The following CTNND1 variants were observed in gnomAD, a reference collection of about 807,000 sequenced individuals.
CTNND1 encodes catenin delta-1.
Under a neutral mutation model 112.1 loss-of-function variants are expected in CTNND1, and 16 were observed. That is an observed-to-expected ratio of 0.14 (90% CI 0.10 to 0.22). The LOEUF (loss-of-function observed/expected upper bound fraction) is 0.22, where lower values mean the gene tolerates loss of function less well. CTNND1 is among the 10% of genes least tolerant of loss of function. The pLI is 1.00. For missense variants in CTNND1, 1,008 were observed against 1,257.0 expected, an observed-to-expected ratio of 0.80 and a Z score of 3.00; for synonymous variants, 420 against 446.5, an observed-to-expected ratio of 0.94 and a Z score of 0.75.
chr11:57,761,896 G>A lies in CTNND1; in HGVS notation c.-437G>A. On this transcript the variant is annotated 5_prime_UTR_variant, in exon 1 of 21. Transcript: ENST00000399050. ...CTGAGGGGGAAAAAAAAGAGAGAGG[G>A]AGAGAGAGAGAAAGAAGAGCAGGAA... 1.0e-6 allele frequency: 1 copy of A among 985,122 alleles called. No homozygotes were observed. 61.0% of individuals were successfully genotyped at this position (985,122 alleles called of 1,614,324 possible).
At chr11:57,768,471 G>T (rs1197845330) in intron 1 of CTNND1, among the ~76,000 whole-genome samples, 1 of 133,516 alleles carries the variant, frequency 7.5e-6, no homozygotes, top group Non-Finnish European at 1.5e-5. Context: ...TCGGCTCACT[G>T]CAAGCTCTGC....
intron 1 of CTNND1, among the ~76,000 whole-genome samples, chr11:57,783,475 C>T (rs940845450): frequency 4.6e-5 from 7 of 151,854 alleles, no homozygotes; most frequent in African/African-American, 1.5e-4. Flanking sequence ...CTGGCTAACA[C>T]GGTGAAACCC....
intron 16 of CTNND1, among the ~76,000 whole-genome samples, chr11:57,810,956 C>CA (rs1163803590): frequency 4.9e-4 from 64 of 130,072 alleles, no homozygotes; most frequent in African/African-American, 7.8e-4. Context: ...AACCCTGTCT[C>CA]AAAAAAAAAA....
intron 8 of CTNND1, 42 bp from the exon 9 acceptor site, chr11:57,804,621 T>A (rs1332246403): frequency 1.0e-5 from 15 of 1,481,278 alleles, no homozygotes; most frequent in African/African-American, 2.8e-5. Flanking sequence ...AAGGGAGGAT[T>A]TCTGGATTTG....
chr11:57,794,187 A>C (rs1194818402), intron 4 of CTNND1, 106 bp downstream of exon 4: 5 of 899,550 alleles, frequency 5.6e-6, no homozygotes, highest in African/African-American at 5.0e-5. Context: ...CATTGTACAT[A>C]CTCGTCAATT....
At chr11:57,804,626 G>A in intron 8 of CTNND1, 37 bp from the exon 9 acceptor site, 1 of 1,524,144 alleles carries the variant, frequency 6.6e-7, no homozygotes, top group Non-Finnish European at 9.1e-7. Context: ...AGGATTTCTG[G>A]ATTTGAGTCA....
In CTNND1 at chr11:57,818,212, G is replaced by A. The variant is rs1277180336; in HGVS notation, c.*1904G>A. 2 of 150,904 alleles carry A rather than the reference G, an allele frequency of 1.3e-5. No homozygotes were observed. The highest frequency in any genetic ancestry group is 4.9e-5 in the African/African-American group (2 of 40,840). 9.3% of individuals were successfully genotyped at this position (150,904 alleles called of 1,614,324 possible). Reference sequence around the variant, plus strand: ...TTCCTGGTGCTCTTTTTTCTCGGTGGGGTGTGGGTAATAGAACAGCCGTGG... The same window carrying A: ...TTCCTGGTGCTCTTTTTTCTCGGTGAGGTGTGGGTAATAGAACAGCCGTGG... On this transcript the variant is annotated 3_prime_UTR_variant, in exon 21 of 21. Transcript: ENST00000399050.
chr11:57,811,343 TA>T, intron 16 of CTNND1, 55 bp from the exon 17 acceptor site: 1 of 1,425,886 alleles, frequency 7.0e-7, no homozygotes, highest in Non-Finnish European at 9.8e-7. Context: ...CATTAGAGCA[TA>T]AGATAGGGTG....
chr11:57,804,061 G>T (rs867616994), intron 8 of CTNND1: 3 of 311,962 alleles, frequency 9.6e-6, no homozygotes, highest in African/African-American at 6.5e-5. Context: ...CATCTACTTT[G>T]GTAAGCTTTT....
At chr11:57,777,746 T>C (rs2059162857) in intron 1 of CTNND1, among the ~76,000 whole-genome samples, 1 of 152,228 alleles carries the variant, frequency 6.6e-6, no homozygotes, top group Non-Finnish European at 1.5e-5. Flanking sequence ...AGTTAGTTCC[T>C]GGTGTGCCCC....
At chr11:57,782,236 ATG>A (rs1225312296) in intron 1 of CTNND1, among the ~76,000 whole-genome samples, 9 of 152,210 alleles carry the variant, frequency 5.9e-5, no homozygotes, top group African/African-American at 2.2e-4. Flanking sequence ...ATCAGAGAGA[ATG>A]TATCACTCTT....
intron 3 of CTNND1, 26 bp downstream of exon 3, chr11:57,791,699 C>T: frequency 6.7e-7 from 1 of 1,501,396 alleles, no homozygotes; most frequent in Non-Finnish European, 8.9e-7. Context: ...ATCAGACGTG[C>T]AGGTAGGACT....
In CTNND1 at chr11:57,775,533, C is replaced by T. The variant is rs142592593; in HGVS notation, c.-214+13414C>T. On this transcript the variant is annotated intron_variant, in intron 1 of 20. Transcript: ENST00000399050. The stretch of plus-strand genomic sequence containing the variant: ...AACACTTAGCATGGTATGGAGGACT[C>T]GCCTATTGGGAGGAAGGGAAAACTT... 1.6e-3 allele frequency among the ~76,000 whole-genome samples: 239 copies of T among 152,110 alleles called. No individual in the cohort carries two copies. In the Middle Eastern group the frequency reaches 0.027, roughly 17 times the overall value.
chr11:57,767,032 C>T (rs1331711062), intron 1 of CTNND1, among the ~76,000 whole-genome samples: 1 of 150,864 alleles, frequency 6.6e-6, no homozygotes, highest in African/African-American at 2.4e-5. Context: ...AGTGCAGTGG[C>T]ACGATCTCAG....
At chr11:57,762,941 A>G (rs1360887286) in intron 1 of CTNND1, among the ~76,000 whole-genome samples, 1 of 152,174 alleles carries the variant, frequency 6.6e-6, no homozygotes, top group Admixed American at 6.5e-5. Context: ...AGCTTTTTGC[A>G]CTCTGAAAGG....
chr11:57,789,424 C>T (rs879383966), intron 2 of CTNND1, among the ~76,000 whole-genome samples: 2 of 152,040 alleles, frequency 1.3e-5, no homozygotes, highest in Non-Finnish European at 2.9e-5. Flanking sequence ...GCCTGTAAAA[C>T]CTCCTGTTTA....
At chr11:57,802,793 G>A (rs149501151) in intron 7 of CTNND1, among the ~76,000 whole-genome samples, 102 of 152,328 alleles carry the variant, frequency 6.7e-4, no homozygotes, top group African/African-American at 2.4e-3. Flanking sequence ...AGCATAATCA[G>A]CATTCCAAGG....
At chr11:57,781,075 A>G (rs1045978825) in intron 1 of CTNND1, among the ~76,000 whole-genome samples, 3 of 152,136 alleles carry the variant, frequency 2.0e-5, no homozygotes, top group African/African-American at 7.2e-5. Context: ...GGTAGCTAGG[A>G]TTACAGGCAT....
chr11:57,810,321 TA>T, intron 16 of CTNND1, 98 bp downstream of exon 16: 1 of 869,620 alleles, frequency 1.1e-6, no homozygotes. Context: ...ACCATCATGC[TA>T]AACCTATTTT....
Sources: gnomAD v4.1 joint callset for allele counts (sites outside exome capture counted in the v4.1 genomes callset) on GRCh38, gnomAD v4.1.1 for gene constraint, MANE v1.5 for transcripts, NCBI Gene and HGNC (gene_info 2026-07-23, HGNC 2026-07-21) for gene names.